The following CACNB2 variants were observed in gnomAD, a reference collection of about 807,000 sequenced individuals.
CACNB2 encodes the protein calcium voltage-gated channel auxiliary subunit beta 2.
Under a neutral mutation model 73.3 loss-of-function variants are expected in CACNB2, and 42 were observed. That is an observed-to-expected ratio of 0.57 (90% CI 0.45 to 0.74). The LOEUF is 0.74. Among genes scored for constraint, CACNB2 ranks in the 30% least tolerant of loss-of-function variants. CACNB2 has a pLI of 0.00. For synonymous variants in CACNB2, 348 were observed against 310.3 expected, an observed-to-expected ratio of 1.12 and a Z score of -1.28; for missense variants, 940 against 853.0, an observed-to-expected ratio of 1.10 and a Z score of -1.27.
intron 2 of CACNB2, among the ~76,000 whole-genome samples, chr10:18,385,421 GA>G (rs2043188339): frequency 8.2e-6 from 1 of 122,272 alleles, no homozygotes; most frequent in African/African-American, 3.2e-5. Flanking sequence ...AAATGTTCTA[GA>G]GCTAGCCTAC....
chr10:18,355,306 AC>A, intron 2 of CACNB2, among the ~76,000 whole-genome samples: 1 of 152,310 alleles, frequency 6.6e-6, no homozygotes, highest in South Asian at 2.1e-4. Flanking sequence ...TCTTTTACAA[AC>A]ATTACTTGTA....
intron 2 of CACNB2, among the ~76,000 whole-genome samples, chr10:18,171,495 C>T (rs2033223964): frequency 7.6e-6 from 1 of 131,538 alleles, no homozygotes; most frequent in Admixed American, 8.6e-5. Context: ...AAGCTCCAGG[C>T]TCCCTTCTTC....
At position 18,383,748 on chromosome 10, in the gene CACNB2, C is replaced by T. The variant is rs149184362; in HGVS notation, c.214-18176C>T. On this transcript the variant is annotated intron_variant, in intron 2 of 13. Coordinates refer to ENST00000324631, the MANE Select transcript of CACNB2 (RefSeq NM_201596.3). ...TTAAATGGAATCTTGCTCTGTTGCCCAGGCTAGAGCACAGTGGCTCAATCT... is the reference window on the plus strand; with the variant it reads ...TTAAATGGAATCTTGCTCTGTTGCCTAGGCTAGAGCACAGTGGCTCAATCT... 1.4e-4 allele frequency among the ~76,000 whole-genome samples: 21 copies of T among 152,210 alleles called. No homozygotes were observed. The East Asian group carries it at 3.7e-3, about 27-fold the overall frequency.
At chr10:18,449,717 C>T (rs926634899) in intron 3 of CACNB2, among the ~76,000 whole-genome samples, 2 of 152,244 alleles carry the variant, frequency 1.3e-5, no homozygotes, top group Non-Finnish European at 2.9e-5. Flanking sequence ...CAGAATCTCT[C>T]TCTGACTGTT....
chr10:18,470,367 A>C (rs571333329), intron 3 of CACNB2, among the ~76,000 whole-genome samples: 1 of 149,104 alleles, frequency 6.7e-6, no homozygotes, highest in Non-Finnish European at 1.5e-5. Flanking sequence ...GATATATTGC[A>C]TATATTATAT....
chr10:18,420,929 T>C (rs895197548), intron 3 of CACNB2, among the ~76,000 whole-genome samples: 1 of 152,170 alleles, frequency 6.6e-6, no homozygotes, highest in Non-Finnish European at 1.5e-5. Context: ...ATACTTTAAA[T>C]TTTTTCCTAA....
intron 10 of CACNB2, among the ~76,000 whole-genome samples, chr10:18,528,247 A>G (rs2052668487): frequency 6.6e-6 from 1 of 152,198 alleles, no homozygotes; most frequent in South Asian, 2.1e-4. Flanking sequence ...TTATTGATAG[A>G]TATCAATATG....
chr10:18,413,585 AC>A, intron 3 of CACNB2, among the ~76,000 whole-genome samples: 1 of 152,214 alleles, frequency 6.6e-6, no homozygotes, highest in South Asian at 2.1e-4. Flanking sequence ...CAAATCTGAA[AC>A]CTTCGTCGAA....
intron 2 of CACNB2, among the ~76,000 whole-genome samples, chr10:18,322,733 G>A (rs1265409444): frequency 6.6e-6 from 1 of 152,066 alleles, no homozygotes; most frequent in Non-Finnish European, 1.5e-5. Flanking sequence ...AATTCTTAAA[G>A]TATCTTATTT....
At chr10:18,402,341 A>G (rs2044044912) in intron 3 of CACNB2, among the ~76,000 whole-genome samples, 1 of 151,754 alleles carries the variant, frequency 6.6e-6, no homozygotes, top group Admixed American at 6.6e-5. Flanking sequence ...AACTGCACCT[A>G]ATATCAACAT....
intron 2 of CACNB2, among the ~76,000 whole-genome samples, chr10:18,297,266 C>G (rs1025375239): frequency 6.6e-5 from 10 of 152,160 alleles, no homozygotes; most frequent in African/African-American, 2.4e-4. Flanking sequence ...TTCCTCAGGC[C>G]AGGCACAATG....
Position 18,199,941 on chromosome 10 carries a change from CTGTGTG to C in CACNB2, c.213+49004_213+49009del, listed in dbSNP as rs141377460. Among the ~76,000 whole-genome samples the C allele has an allele frequency of 2.0e-3, 274 of 136,512 alleles. 2 individuals are homozygous for C. Among genetic ancestry groups the C allele is most frequent in the East Asian group, 0.017 (78 of 4,556 alleles). The allele number at this position is 136,512 out of a possible 152,430, so 89.6% of individuals were successfully genotyped here. A position where few individuals can be genotyped will look rare whatever the true frequency, so the allele number is the denominator to read the frequency against. ...AGTTTGCAATGCATTGTATATGAAA[CTGTGTG>C]TGTGTGTGTGTGTGTGTGTGTGTGT... is the stretch of plus-strand genomic sequence containing the variant. On this transcript the variant is annotated intron_variant, in intron 2 of 13. Coordinates refer to ENST00000324631, the MANE Select transcript of CACNB2 (RefSeq NM_201596.3).
At position 18,522,159 on chromosome 10, in the gene CACNB2, C is replaced by A. The variant is rs188682777; in HGVS notation, c.944+3191C>A. ...GACAGTCTAATGCCTGGTGTTCTTT[C>A]ACTGTCTCCCATCAACCCCATAAAG... is the stretch of plus-strand genomic sequence containing the variant. On this transcript the variant is annotated intron_variant, in intron 9 of 13. Transcript: ENST00000324631. Among the ~76,000 whole-genome samples, 18 of 152,150 alleles carry A rather than the reference C, an allele frequency of 1.2e-4. 1 individual carries two copies. Among genetic ancestry groups the A allele is most frequent in the Admixed American group, 1.1e-3 (17 of 15,266 alleles).
chr10:18,228,433 C>CAAAAAAAAAAAAAAA (rs1164745930), intron 2 of CACNB2, among the ~76,000 whole-genome samples: 27 of 34,774 alleles, frequency 7.8e-4, no homozygotes, highest in South Asian at 1.7e-3. Context: ...AACTCTACCT[C>CAAAAAAAAAAAAAAA]AAAAAAAAAA....
Position 18,373,383 on chromosome 10 carries a change from C to T in CACNB2, c.214-28541C>T, listed in dbSNP as rs982617088. ...AAGGTAGGACAGCTTTCCTTAAGGG[C>T]CTTCAACCCACCATGATGATAGCAG... On this transcript the variant is annotated intron_variant, in intron 2 of 13. Transcript: ENST00000324631. Among the ~76,000 whole-genome samples the T allele has an allele frequency of 3.9e-5, 6 of 152,150 alleles. No individual in the cohort carries two copies. The East Asian group carries it at 1.2e-3, about 29-fold the overall frequency.
chr10:18,485,268 G>A (rs558500098), intron 3 of CACNB2, among the ~76,000 whole-genome samples: 10 of 152,304 alleles, frequency 6.6e-5, no homozygotes, highest in Admixed American at 2.0e-4. Context: ...AAGTTAGCAA[G>A]ATGATAGAGA....
At chr10:18,470,261 A>G (rs1318232594) in intron 3 of CACNB2, among the ~76,000 whole-genome samples, 1 of 150,782 alleles carries the variant, frequency 6.6e-6, no homozygotes, top group Non-Finnish European at 1.5e-5. Context: ...CTGAGGCTGG[A>G]GGATCACCTG....
intron 2 of CACNB2, among the ~76,000 whole-genome samples, chr10:18,254,466 C>G (rs957667918): frequency 3.3e-5 from 5 of 151,802 alleles, no homozygotes; most frequent in African/African-American, 1.2e-4. Flanking sequence ...CTCCTGCTAT[C>G]TGCGTCTAGG....
At chr10:18,456,960 C>G (rs963010080) in intron 3 of CACNB2, among the ~76,000 whole-genome samples, 1 of 152,160 alleles carries the variant, frequency 6.6e-6, no homozygotes, top group Non-Finnish European at 1.5e-5. Context: ...CTCCTGTTCC[C>G]TTTCTCCCCT....
Sources: allele counts gnomAD v4.1 joint callset (sites outside exome capture counted in the v4.1 genomes callset), GRCh38; gene constraint gnomAD v4.1.1; transcripts MANE v1.5; gene names NCBI Gene and HGNC (gene_info 2026-07-23, HGNC 2026-07-21).